ZBTB16: variants seen among roughly 807,000 people sequenced by gnomAD.
ZBTB16 encodes the protein zinc finger and BTB domain containing 16.
ZBTB16 carries 8 observed loss-of-function variants against 56.8 expected under a neutral mutation model. The ratio of observed to expected loss-of-function variants is 0.14; its 90% CI spans 0.08 to 0.25. The LOEUF is 0.25. ZBTB16 is among the 10% of genes least tolerant of loss of function. The pLI, the probability that ZBTB16 is intolerant of heterozygous loss-of-function variation, is 1.00. For synonymous variants in ZBTB16, 363 were observed against 368.5 expected (o/e 0.98, Z 0.17); for missense variants, 625 against 903.0 (o/e 0.69, Z 3.95).
At chr11:114,065,453 C>T (rs1658528049) in intron 2 of ZBTB16, among the ~76,000 whole-genome samples, 2 of 152,042 alleles carry the variant, frequency 1.3e-5, no homozygotes, top group South Asian at 4.1e-4. Context: ...TTTCGCTCTC[C>T]TTGCCCAGGC....
chr11:114,107,715 A>G (rs375916098), intron 2 of ZBTB16, among the ~76,000 whole-genome samples: 1 of 152,342 alleles, frequency 6.6e-6, no homozygotes, highest in East Asian at 1.9e-4. Flanking sequence ...GATGCATAAT[A>G]TGTGTCTGAT....
intron 2 of ZBTB16, among the ~76,000 whole-genome samples, chr11:114,131,668 C>T (rs985024394): frequency 6.6e-6 from 1 of 152,100 alleles, no homozygotes; most frequent in African/African-American, 2.4e-5. Context: ...GACATAGCTC[C>T]CCCCCTTTTT....
chr11:114,183,850 C>T (rs1034060392), intron 3 of ZBTB16, among the ~76,000 whole-genome samples: 2 of 152,230 alleles, frequency 1.3e-5, no homozygotes, highest in African/African-American at 4.8e-5. Flanking sequence ...GTAGTCTTGG[C>T]TGCTACCCCT....
intron 2 of ZBTB16, among the ~76,000 whole-genome samples, chr11:114,142,943 G>A (rs769952793): frequency 2.0e-5 from 3 of 152,190 alleles, no homozygotes; most frequent in Admixed American, 6.5e-5. Flanking sequence ...ACATTTTTAT[G>A]TGTGGGCTTA....
At chr11:114,148,441 C>CTTTCTT (rs1942188014) in intron 2 of ZBTB16, among the ~76,000 whole-genome samples, 2 of 49,768 alleles carry the variant, frequency 4.0e-5, no homozygotes, top group Admixed American at 2.9e-4. Flanking sequence ...CTCTCTTTCT[C>CTTTCTT]TCTCTCTGTC....
At chr11:114,148,071 G>C (rs1396388133) in intron 2 of ZBTB16, among the ~76,000 whole-genome samples, 1 of 152,194 alleles carries the variant, frequency 6.6e-6, no homozygotes, top group East Asian at 1.9e-4. Flanking sequence ...CAGGCCTCTT[G>C]GTTCTCCACA....
At chr11:114,210,915 A>ATT in intron 4 of ZBTB16, 1 of 187,720 alleles carries the variant, frequency 5.3e-6, no homozygotes, top group Non-Finnish European at 1.1e-5. Flanking sequence ...TGATATGTTG[A>ATT]TTTTTTTTTT....
chr11:114,105,661 G>A (rs967480931), intron 2 of ZBTB16, among the ~76,000 whole-genome samples: 2 of 152,136 alleles, frequency 1.3e-5, no homozygotes, highest in Admixed American at 6.5e-5. Context: ...GAGTTCCCTC[G>A]TTTGTTTGTA....
intron 4 of ZBTB16, among the ~76,000 whole-genome samples, chr11:114,232,013 C>T (rs939042715): frequency 1.3e-5 from 2 of 152,132 alleles, no homozygotes; most frequent in African/African-American, 4.8e-5. Flanking sequence ...ACTCTTGTTC[C>T]TGTTCAGTTG....
Position 114,062,471 on chromosome 11 carries a change from C to G in ZBTB16, c.-90-740C>G, listed in dbSNP as rs115351852. On this transcript the variant is annotated intron_variant, in intron 1 of 6. Transcript: ENST00000335953. ...CAGTTCAGATTTTATATTATACATA[C>G]AATAACTTTGAGGCTTCCGTGGGTA... Among the ~76,000 whole-genome samples the G allele has an allele frequency of 2.6e-3, 392 of 152,326 alleles. 1 individual carries two copies. Among genetic ancestry groups the G allele is most frequent in the African/African-American group, 9.0e-3 (375 of 41,574 alleles).
intron 2 of ZBTB16, among the ~76,000 whole-genome samples, chr11:114,109,676 T>C (rs1191379166): frequency 1.5e-5 from 2 of 137,584 alleles, no homozygotes; most frequent in African/African-American, 5.5e-5. Context: ...GTGGGGGAGA[T>C]AGGAAAGGAA....
intron 2 of ZBTB16, among the ~76,000 whole-genome samples, chr11:114,071,469 C>T (rs2735199): frequency 0.65 from 98,494 of 152,014 alleles, 35,093 homozygotes; most frequent in Non-Finnish European, 0.81. Flanking sequence ...TTTAGCAACA[C>T]GTTTTCCTCC....
intron 3 of ZBTB16, among the ~76,000 whole-genome samples, chr11:114,183,542 G>C (rs181659920): frequency 0.012 from 1,804 of 152,304 alleles, 25 homozygotes; most frequent in Non-Finnish European, 0.015. Flanking sequence ...CTGTGGCATG[G>C]TGGGCTTCTC....
intron 2 of ZBTB16, among the ~76,000 whole-genome samples, chr11:114,079,042 G>A (rs533672423): frequency 4.6e-5 from 7 of 151,326 alleles, no homozygotes; most frequent in Admixed American, 1.3e-4. Flanking sequence ...TGAAGGAGGC[G>A]GAGGTTGCAG....
rs112774308 is a variant in ZBTB16, at chr11:114,121,025, G to A, written c.1269-35312G>A. 4.3e-3 allele frequency among the ~76,000 whole-genome samples: 653 copies of A among 152,276 alleles called. 7 individuals carry two copies. Among genetic ancestry groups the A allele is most frequent in the Middle Eastern group, 0.017 (5 of 294 alleles). ...GAAAAAAGACTGGAGAGCCAATCAG[G>A]GATGCTCACTTGCAGTTCGTGTGAA... On this transcript the variant is annotated intron_variant, in intron 2 of 6. Coordinates refer to ENST00000335953, the MANE Select transcript of ZBTB16 (RefSeq NM_006006.6).
chr11:114,169,471 T>C lies in ZBTB16; in HGVS notation c.1366+13037T>C, dbSNP rs141375937. 5.8e-3 allele frequency among the ~76,000 whole-genome samples: 876 copies of C among 152,166 alleles called. 6 individuals are homozygous for C. Among genetic ancestry groups the C allele is most frequent in the African/African-American group, 0.014 (601 of 41,512 alleles). On this transcript the variant is annotated intron_variant, in intron 3 of 6. Coordinates refer to ENST00000335953, the MANE Select transcript of ZBTB16 (RefSeq NM_006006.6). ...CCAAATGGGAACCAGATGGTGAAGGTTGAGCAGCAGAGAAACCTCGATGAC... is the reference window on the plus strand; with the variant it reads ...CCAAATGGGAACCAGATGGTGAAGGCTGAGCAGCAGAGAAACCTCGATGAC...
intron 2 of ZBTB16, among the ~76,000 whole-genome samples, chr11:114,113,448 C>A (rs1268881103): frequency 1.1e-4 from 17 of 152,186 alleles, no homozygotes; most frequent in African/African-American, 4.1e-4. Context: ...AATTCCAGAG[C>A]TGGTAGCGTT....
chr11:114,160,256 A>AC (rs1942549718), intron 3 of ZBTB16, among the ~76,000 whole-genome samples: 1 of 150,512 alleles, frequency 6.6e-6, no homozygotes, highest in Admixed American at 6.6e-5. Context: ...TACACCATTA[A>AC]TTTTTTTTTT....
At chr11:114,106,369 G>C (rs1170494437) in intron 2 of ZBTB16, among the ~76,000 whole-genome samples, 3 of 151,932 alleles carry the variant, frequency 2.0e-5, no homozygotes, top group Admixed American at 1.3e-4. Flanking sequence ...GATTACATGG[G>C]AAAATTAAAA....
Sources: gnomAD v4.1 joint callset for allele counts (sites outside exome capture counted in the v4.1 genomes callset) on GRCh38, gnomAD v4.1.1 for gene constraint, MANE v1.5 for transcripts, NCBI Gene and HGNC (gene_info 2026-07-23, HGNC 2026-07-21) for gene names.